ACACA: variants seen among roughly 807,000 people sequenced by gnomAD.
ACACA encodes the protein acetyl-CoA carboxylase alpha.
Under a neutral mutation model 296.1 loss-of-function variants are expected in ACACA, and 103 were observed. The observed-to-expected ratio is 0.35, with a 90% CI of 0.30 to 0.41. The LOEUF (loss-of-function observed/expected upper bound fraction) is 0.41, where lower values mean the gene tolerates loss of function less well. Ranked by LOEUF, ACACA falls within the 10% of genes least tolerant of loss-of-function variation. ACACA has a pLI of 1.00. For synonymous variants in ACACA, 953 were observed against 1,038.6 expected (o/e 0.92, Z 1.58); for missense variants, 1,554 against 2,989.7 (o/e 0.52, Z 11.20).
chr17:37,352,035 A>C (rs2048928214), intron 1 of ACACA, among the ~76,000 whole-genome samples: 1 of 145,114 alleles, frequency 6.9e-6, no homozygotes, highest in African/African-American at 2.6e-5. Flanking sequence ...GGTTCATGCC[A>C]TTCTCCTGCC....
chr17:37,301,361 T>C, intron 3 of ACACA: 1 of 985,190 alleles, frequency 1.0e-6, no homozygotes, highest in Non-Finnish European at 1.2e-6. Flanking sequence ...CCATGAACAG[T>C]GTCCAACGTA....
At position 37,184,406 on chromosome 17, in the gene ACACA, C is replaced by T. The variant is rs149064246; in HGVS notation, c.4777-3050G>A. Among the ~76,000 whole-genome samples the T allele has an allele frequency of 9.2e-4, 140 of 152,302 alleles. 1 individual carries two copies. In the East Asian group the frequency reaches 0.014, roughly 15 times the overall value. ...AGATATTGCCTGCCCTTTGGGGGTGCCCCTTGCTAGTCAAAGCTATATCTG... is the reference window on the plus strand; with the variant it reads ...AGATATTGCCTGCCCTTTGGGGGTGTCCCTTGCTAGTCAAAGCTATATCTG... On this transcript the variant is annotated intron_variant, in intron 39 of 55. Coordinates refer to ENST00000616317, the MANE Select transcript of ACACA (RefSeq NM_198834.3).
intron 43 of ACACA, among the ~76,000 whole-genome samples, chr17:37,151,823 G>A (rs1326567729): frequency 3.9e-5 from 6 of 152,044 alleles, no homozygotes; most frequent in Admixed American, 6.6e-5. Flanking sequence ...CACCACGCCC[G>A]GCTAATTTTT....
intron 1 of ACACA, among the ~76,000 whole-genome samples, chr17:37,346,701 CA>C (rs1233696565): frequency 0.21 from 7,686 of 36,678 alleles, 319 homozygotes; most frequent in African/African-American, 0.39. Flanking sequence ...GACTCCATCT[CA>C]AAAAAAAAAA....
chr17:37,374,265 T>A (rs1303861271), intron 1 of ACACA, among the ~76,000 whole-genome samples: 1 of 151,634 alleles, frequency 6.6e-6, no homozygotes, highest in Non-Finnish European at 1.5e-5. Flanking sequence ...ATGGGGTAGA[T>A]CTTTATTCTC....
Position 37,242,013 on chromosome 17 carries a change from C to T in ACACA, c.2972G>A (p.Arg991Gln). 3 of 1,613,558 alleles carry T rather than the reference C, an allele frequency of 1.9e-6. No individual in the cohort carries two copies. The highest frequency in any genetic ancestry group is 2.2e-5 in the East Asian group (1 of 44,856). ...ILDSHAATLN[R>Q]KSEREVFFMN... Reference sequence around the variant, plus strand: ...AAAGAAGACTTCCCGTTCAGATTTCCGGTTCAATGTAGCTGCATGGCTATC... The same window carrying T: ...AAAGAAGACTTCCCGTTCAGATTTCTGGTTCAATGTAGCTGCATGGCTATC... Residue 991 changes from arginine to glutamine, a missense_variant, in exon 23 of 56, where the codon CGG (arginine) becomes CAG (glutamine). Around this residue, in one of 16 missense-constraint regions of ACACA, gnomAD observed 316 missense variants for 540.9 expected, o/e 0.58. Coordinates refer to ENST00000616317, the MANE Select transcript of ACACA (RefSeq NM_198834.3).
chr17:37,368,015 C>T lies in ACACA; in HGVS notation c.39-28165G>A, dbSNP rs182621252. ...CCGGGAGGCGGAGGTTGCAGTGAGC[C>T]GAGATCACACCACTGCACTCCAGCC... is the stretch of plus-strand genomic sequence containing the variant. On this transcript the variant is annotated intron_variant, in intron 1 of 55. Transcript: ENST00000616317. Among the ~76,000 whole-genome samples, 1,415 of 152,066 alleles carry T rather than the reference C, an allele frequency of 9.3e-3. 14 individuals are homozygous for T. The highest frequency in any genetic ancestry group is 0.015 in the Non-Finnish European group (1,022 of 67,978).
At chr17:37,384,046 A>G (rs1273962213) in intron 1 of ACACA, among the ~76,000 whole-genome samples, 3 of 152,112 alleles carry the variant, frequency 2.0e-5, no homozygotes, top group East Asian at 3.9e-4. Flanking sequence ...CGGGCAGAAC[A>G]TGAGGTCAGG....
chr17:37,161,441 T>G (rs972450824), intron 42 of ACACA, among the ~76,000 whole-genome samples: 18 of 152,184 alleles, frequency 1.2e-4, no homozygotes, highest in African/African-American at 4.3e-4. Flanking sequence ...GGGATTTTGT[T>G]GATAATTGAC....
chr17:37,252,590 C>G (rs112168113), intron 15 of ACACA, among the ~76,000 whole-genome samples: 1 of 152,124 alleles, frequency 6.6e-6, no homozygotes, highest in Non-Finnish European at 1.5e-5. Flanking sequence ...CTGGTAGATA[C>G]AGAAGTTGGC....
At chr17:37,391,862 G>A (rs1053291842) in intron 1 of ACACA, 3 of 799,266 alleles carry the variant, frequency 3.8e-6, no homozygotes, top group African/African-American at 3.4e-5. Flanking sequence ...GTTAATGAAG[G>A]GAGAGTGTGG....
intron 41 of ACACA, among the ~76,000 whole-genome samples, chr17:37,175,422 T>C (rs533255162): frequency 1.1e-4 from 16 of 152,102 alleles, no homozygotes; most frequent in Non-Finnish European, 1.6e-4. Context: ...CACCAAAAGA[T>C]CAAAACAGGT....
In ACACA at chr17:37,097,715, A is replaced by C. The variant is rs1233158407; in HGVS notation, c.6720+115T>G. On this transcript the variant is annotated intron_variant, in intron 53 of 55. Coordinates refer to ENST00000616317, the MANE Select transcript of ACACA (RefSeq NM_198834.3). The surrounding 1 kb of genome is among the most constrained non-coding windows in gnomAD (Gnocchi z 4.8). ...AAATATTGAAAATGTTTTGATCTGC[A>C]GAAGTTGTTTTAATTTGGCCCTCAT... 1 of 1,233,254 alleles carries C rather than the reference A, an allele frequency of 8.1e-7. No individual in the cohort carries two copies. 76.4% of individuals were successfully genotyped at this position (1,233,254 alleles called of 1,614,324 possible).
rs188635806 is a variant in ACACA at position 37,402,519 on chromosome 17, G to A, written c.38+3743C>T. Among the ~76,000 whole-genome samples, 331 of 152,198 alleles carry A rather than the reference G, an allele frequency of 2.2e-3. 1 individual carries two copies. The highest frequency in any genetic ancestry group is 3.4e-3 in the Middle Eastern group (1 of 294). On this transcript the variant is annotated intron_variant, in intron 1 of 55. Coordinates refer to ENST00000616317, the MANE Select transcript of ACACA (RefSeq NM_198834.3). ...GAGACTTTACTGAGAGTGAAACCAG[G>A]CAATATTAATACTTAGGTAGGGACA...
chr17:37,136,867 C>T (rs1223451134), intron 45 of ACACA, among the ~76,000 whole-genome samples: 2 of 151,486 alleles, frequency 1.3e-5, no homozygotes, highest in African/African-American at 4.9e-5. Context: ...CGCTTGAACC[C>T]GGGAGGTGGA....
In ACACA at chr17:37,199,112, T is replaced by C. The variant is rs145737694; in HGVS notation, c.4158+1027A>G. Among the ~76,000 whole-genome samples the C allele has an allele frequency of 5.9e-3, 892 of 152,066 alleles. 5 individuals are homozygous for C. Among genetic ancestry groups the C allele is most frequent in the African/African-American group, 0.02 (850 of 41,494 alleles). ...AAAATCAGCTGGGTGTGGTGGCACA[T>C]GCCTGCAATCCCAGCTACTTGGGAG... On this transcript the variant is annotated intron_variant, in intron 35 of 55. Coordinates refer to ENST00000616317, the MANE Select transcript of ACACA (RefSeq NM_198834.3).
At chr17:37,173,574 G>A (rs1232804857) in intron 41 of ACACA, among the ~76,000 whole-genome samples, 8 of 152,056 alleles carry the variant, frequency 5.3e-5, no homozygotes, top group African/African-American at 1.4e-4. Context: ...AGTAGATGCA[G>A]GGGTATTTGT....
chr17:37,287,721 C>T (rs1203511794), intron 3 of ACACA, among the ~76,000 whole-genome samples: 1 of 149,360 alleles, frequency 6.7e-6, no homozygotes, highest in Non-Finnish European at 1.5e-5. Context: ...CCAGCCTGGG[C>T]GACAGAGCGA....
Position 37,188,352 on chromosome 17 carries a change from G to A in ACACA, c.4701C>T (p.Leu1567=), listed in dbSNP as rs1598113733. 6.2e-7 allele frequency: 1 copy of A among 1,614,158 alleles called. No homozygotes were observed. Among genetic ancestry groups the A allele is most frequent in the East Asian group, 2.2e-5 (1 of 44,880 alleles). The part of the protein sequence containing the change: ...TPTGKAIPIR[L]FLTNESGYYL... Reference sequence around the variant, plus strand: ...AATAGCCAGACTCGTTTGTCAGGAAGAGGCGGATGGGAATTGCTTTTCCAG... The same window carrying A: ...AATAGCCAGACTCGTTTGTCAGGAAAAGGCGGATGGGAATTGCTTTTCCAG... Residue 1567 remains leucine (L), a synonymous_variant, in exon 39 of 56, where the codon CTC becomes CTT. Transcript: ENST00000616317.
Sources: allele counts gnomAD v4.1 joint callset (sites outside exome capture counted in the v4.1 genomes callset), GRCh38; gene constraint gnomAD v4.1.1; regional missense constraint gnomAD v4.1.1; non-coding constraint Gnocchi (gnomAD v3.1); transcripts MANE v1.5; gene names NCBI Gene and HGNC (gene_info 2026-07-23, HGNC 2026-07-21).